IL1RAPL2: variants seen among roughly 807,000 people sequenced by gnomAD.
IL1RAPL2 encodes the protein X-linked interleukin-1 receptor accessory protein-like 2.
A neutral mutation model predicts 44.1 loss-of-function variants in IL1RAPL2; 3 were observed. The ratio of observed to expected loss-of-function variants is 0.07; its 90% CI spans 0.03 to 0.18. IL1RAPL2 has a LOEUF of 0.18. Among genes scored for constraint, IL1RAPL2 ranks in the 10% least tolerant of loss-of-function variants. The probability of loss-of-function intolerance (pLI) is 1.00; values close to 1 mark genes in which losing one functional copy is unlikely to be tolerated. For synonymous variants in IL1RAPL2, 181 were observed against 178.8 expected (o/e 1.01, Z -0.10); for missense variants, 391 against 496.4 (o/e 0.79, Z 2.02).
intron 1 of IL1RAPL2, among the ~76,000 whole-genome samples, chrX:104,571,351 A>T (rs904439801): frequency 2.7e-5 from 3 of 111,927 alleles, no homozygotes; most frequent in Non-Finnish European, 5.6e-5. Flanking sequence ...GAGTTGCCTG[A>T]TGCATTAAAT....
At chrX:105,228,303 AG>A (rs1445131321) in intron 3 of IL1RAPL2, among the ~76,000 whole-genome samples, 1 of 112,130 alleles carries the variant, frequency 8.9e-6, no homozygotes, top group Non-Finnish European at 1.9e-5. Context: ...CATTTTATCT[AG>A]GGCTTTTGAT....
At chrX:105,355,751 A>G (rs1202549566) in intron 5 of IL1RAPL2, among the ~76,000 whole-genome samples, 1 of 111,720 alleles carries the variant, frequency 9.0e-6, no homozygotes, top group Non-Finnish European at 1.9e-5. Flanking sequence ...ACAAATTCCT[A>G]TAAGTGGAAG....
At chrX:105,681,744 C>T (rs780817452) in intron 6 of IL1RAPL2, among the ~76,000 whole-genome samples, 81 of 110,291 alleles carry the variant, frequency 7.3e-4, no homozygotes, top group African/African-American at 2.5e-3. Context: ...GGCGAAAGAG[C>T]GAAACTCTGT....
intron 6 of IL1RAPL2, among the ~76,000 whole-genome samples, chrX:105,542,686 A>T (rs5916924): frequency 0.49 from 46,849 of 95,866 alleles, 9,183 homozygotes; most frequent in African/African-American, 0.69. Flanking sequence ...TTTATTTTTT[A>T]TATTTTTTAT....
intron 2 of IL1RAPL2, among the ~76,000 whole-genome samples, chrX:104,695,953 G>A (rs907215011): frequency 7.2e-5 from 8 of 110,672 alleles, no homozygotes; most frequent in Non-Finnish European, 9.5e-5. Context: ...GATTACAGGC[G>A]CCCGCCACCA....
chrX:105,447,216 TAAAA>T (rs2035968182), intron 5 of IL1RAPL2, among the ~76,000 whole-genome samples: 1 of 854 alleles, frequency 1.2e-3, no homozygotes, highest in Non-Finnish European at 3.2e-3. Flanking sequence ...TAAATATATA[TAAAA>T]TATATATAAA....
At chrX:105,191,936 A>G (rs984838237) in intron 2 of IL1RAPL2, among the ~76,000 whole-genome samples, 4 of 111,650 alleles carry the variant, frequency 3.6e-5, no homozygotes, top group Non-Finnish European at 7.5e-5. Flanking sequence ...AAGCCAAGCT[A>G]TCTAGTCAAC....
At chrX:105,156,681 C>T (rs180820956) in intron 2 of IL1RAPL2, among the ~76,000 whole-genome samples, 1 of 112,092 alleles carries the variant, frequency 8.9e-6, no homozygotes, top group African/African-American at 3.2e-5. Context: ...AGCTATTCAT[C>T]TCAGAAGAAA....
At chrX:104,734,786 T>A (rs149619639) in intron 2 of IL1RAPL2, among the ~76,000 whole-genome samples, 9,581 of 111,464 alleles carry the variant, frequency 0.086, 409 homozygotes, top group Non-Finnish European at 0.12. Context: ...TACTGTATAT[T>A]AATTTAAAAT....
chrX:105,059,846 T>C (rs191032821), intron 2 of IL1RAPL2, among the ~76,000 whole-genome samples: 22 of 112,626 alleles, frequency 2.0e-4, no homozygotes, highest in African/African-American at 7.1e-4. Flanking sequence ...TCTTTATATG[T>C]TTATTTGTTG....
intron 6 of IL1RAPL2, among the ~76,000 whole-genome samples, chrX:105,629,663 A>G (rs2037478654): frequency 8.9e-6 from 1 of 111,758 alleles, no homozygotes; most frequent in Non-Finnish European, 1.9e-5. Flanking sequence ...CACACAAAAA[A>G]ACCCACATAA....
chrX:105,490,008 A>G, intron 6 of IL1RAPL2, among the ~76,000 whole-genome samples: 1 of 109,487 alleles, frequency 9.1e-6, no homozygotes, highest in East Asian at 2.9e-4. Flanking sequence ...TTGTATTTTT[A>G]GTAGACATTG....
At chrX:105,167,887 A>T (rs749020419) in intron 2 of IL1RAPL2, among the ~76,000 whole-genome samples, 11 of 111,231 alleles carry the variant, frequency 9.9e-5, no homozygotes, top group African/African-American at 3.3e-4. Flanking sequence ...TCATTCTGTA[A>T]TGACCCATGA....
At chrX:105,515,227 G>C (rs182160532) in intron 6 of IL1RAPL2, among the ~76,000 whole-genome samples, 2 of 111,620 alleles carry the variant, frequency 1.8e-5, no homozygotes, top group East Asian at 5.7e-4. Flanking sequence ...AAGGTCAAAA[G>C]ACACTCATAC....
At chrX:105,109,082 C>T (rs1460983049) in intron 2 of IL1RAPL2, among the ~76,000 whole-genome samples, 4 of 112,025 alleles carry the variant, frequency 3.6e-5, no homozygotes. Flanking sequence ...AATATCACTT[C>T]CACCAGGAAG....
At chrX:105,173,952 C>T (rs369655439) in intron 2 of IL1RAPL2, among the ~76,000 whole-genome samples, 46 of 110,663 alleles carry the variant, frequency 4.2e-4, no homozygotes, top group African/African-American at 1.4e-3. Context: ...AGGCTGGTCT[C>T]GAACTCCTGA....
At chrX:105,406,585 G>A (rs2035646849) in intron 5 of IL1RAPL2, 31 of 1,187,306 alleles carry the variant, frequency 2.6e-5, no homozygotes, top group East Asian at 1.2e-4. Flanking sequence ...TTGGACCTTC[G>A]ATACATTAAC....
chrX:105,351,595 A>G (rs997569761), intron 5 of IL1RAPL2, among the ~76,000 whole-genome samples: 5 of 110,312 alleles, frequency 4.5e-5, no homozygotes, highest in African/African-American at 1.3e-4. Context: ...ACACATGGAC[A>G]CAGGGAGGGG....
intron 2 of IL1RAPL2, among the ~76,000 whole-genome samples, chrX:105,150,127 A>G (rs953913688): frequency 9.0e-6 from 1 of 111,202 alleles, no homozygotes; most frequent in African/African-American, 3.3e-5. Flanking sequence ...CCAAGCAGGG[A>G]CATGACATCA....
Sources: allele counts gnomAD v4.1 joint callset (sites outside exome capture counted in the v4.1 genomes callset), GRCh38; gene constraint gnomAD v4.1.1; transcripts MANE v1.5; gene names NCBI Gene and HGNC (gene_info 2026-07-23, HGNC 2026-07-21).